The following PRDM16 variants were observed in gnomAD, a reference collection of about 807,000 sequenced individuals.
The protein encoded by PRDM16 is histone-lysine N-methyltransferase PRDM16.
In PRDM16, 23 loss-of-function variants were observed where a neutral mutation model predicts 110.6. The ratio of observed to expected loss-of-function variants is 0.21; its 90% CI spans 0.15 to 0.29. PRDM16 has a LOEUF of 0.29. Ranked by LOEUF, PRDM16 falls within the 10% of genes least tolerant of loss-of-function variation. The pLI is 1.00. For synonymous variants in PRDM16, 799 were observed against 781.8 expected (o/e 1.02, Z -0.37); for missense variants, 1,615 against 1,794.3 (o/e 0.90, Z 1.81).
At chr1:3,178,664 A>C (rs376012977) in intron 1 of PRDM16, among the ~76,000 whole-genome samples, 1 of 152,122 alleles carries the variant, frequency 6.6e-6, no homozygotes, top group South Asian at 2.1e-4. Flanking sequence ...CCCAGGATGC[A>C]CCCTTGTCAC....
intron 3 of PRDM16, among the ~76,000 whole-genome samples, chr1:3,278,830 C>T (rs1049447885): frequency 6.6e-6 from 1 of 152,228 alleles, no homozygotes; most frequent in Non-Finnish European, 1.5e-5. Flanking sequence ...GGGGACGGGG[C>T]AGCGGAACAA....
At chr1:3,199,668 G>C (rs2100824455) in intron 2 of PRDM16, among the ~76,000 whole-genome samples, 1 of 152,326 alleles carries the variant, frequency 6.6e-6, no homozygotes, top group Non-Finnish European at 1.5e-5. Context: ...CCTCTGATGA[G>C]CCTCTCTAGT....
chr1:3,123,259 C>T (rs1277407223), intron 1 of PRDM16, among the ~76,000 whole-genome samples: 1 of 152,220 alleles, frequency 6.6e-6, no homozygotes, highest in Non-Finnish European at 1.5e-5. Context: ...ACGTGTCTGT[C>T]TCCATGGCAG....
At chr1:3,430,221 C>A (rs534479856) in intron 14 of PRDM16, among the ~76,000 whole-genome samples, 4 of 152,288 alleles carry the variant, frequency 2.6e-5, no homozygotes, top group African/African-American at 9.6e-5. Flanking sequence ...CCCATGCACG[C>A]TTTGTTCTTT....
chr1:3,389,261 G>A lies in PRDM16; in HGVS notation c.573+3975G>A, dbSNP rs117925544. On this transcript the variant is annotated intron_variant, in intron 4 of 16. Coordinates refer to ENST00000270722, the MANE Select transcript of PRDM16 (RefSeq NM_022114.4). ...AGGCTCCCCACTGCCCTGCCGCCTC[G>A]CAGTGCCTCATGGACGGAGGCAGGA... 2.3e-3 allele frequency among the ~76,000 whole-genome samples: 343 copies of A among 152,278 alleles called. 2 individuals are homozygous for A. The highest frequency in any genetic ancestry group is 9.9e-3 in the East Asian group (51 of 5,170).
chr1:3,236,142 C>T (rs1231808664), intron 2 of PRDM16, among the ~76,000 whole-genome samples: 1 of 152,174 alleles, frequency 6.6e-6, no homozygotes, highest in African/African-American at 2.4e-5. Context: ...TATAGCCCTG[C>T]CCCCAACTCT....
chr1:3,159,695 G>T (rs894839607), intron 1 of PRDM16, among the ~76,000 whole-genome samples: 7 of 152,198 alleles, frequency 4.6e-5, no homozygotes, highest in Admixed American at 4.6e-4. Flanking sequence ...AAGAAGTTGA[G>T]TTGGAGTCCA....
rs1414601557 is a variant in PRDM16, at chr1:3,080,911, A to G, written c.37+11615A>G. ...GGCCCGAGCACCCAACGCTTCCCGG[A>G]GAGCTTGTGTGCCTGAGAGTGTGTG... On this transcript the variant is annotated intron_variant, in intron 1 of 16. Coordinates refer to ENST00000270722, the MANE Select transcript of PRDM16 (RefSeq NM_022114.4). The surrounding 1 kb of genome is among the most constrained non-coding windows in gnomAD (Gnocchi z 5.2). Among the ~76,000 whole-genome samples, 3 of 151,824 alleles carry G rather than the reference A, an allele frequency of 2.0e-5. No homozygotes were observed. The highest frequency in any genetic ancestry group is 4.4e-5 in the Non-Finnish European group (3 of 67,958).
In PRDM16 at chr1:3,323,771, G is replaced by A. The variant is rs1367478320; in HGVS notation, c.439-61381G>A. On this transcript the variant is annotated intron_variant, in intron 3 of 16. Coordinates refer to ENST00000270722, the MANE Select transcript of PRDM16 (RefSeq NM_022114.4). ...CATCCCAGAACCTCATAACAAAGAG[G>A]GCTTTTCCCCGAGTATTTACAACTC... 2.6e-5 allele frequency among the ~76,000 whole-genome samples: 4 copies of A among 152,356 alleles called. No individual in the cohort carries two copies. In the East Asian group the frequency reaches 7.7e-4, roughly 29 times the overall value.
At chr1:3,230,678 C>T (rs1376612750) in intron 2 of PRDM16, among the ~76,000 whole-genome samples, 7 of 152,360 alleles carry the variant, frequency 4.6e-5, no homozygotes, top group South Asian at 2.1e-4. Flanking sequence ...GACGCGGCCC[C>T]GGTTGGGGTG....
chr1:3,219,031 A>C (rs2651904), intron 2 of PRDM16, among the ~76,000 whole-genome samples: 5,847 of 152,232 alleles, frequency 0.038, 227 homozygotes, highest in East Asian at 0.12. Flanking sequence ...GGCTGAGCGG[A>C]GAGCTGCAGG....
At chr1:3,338,463 C>A (rs1163947931) in intron 3 of PRDM16, among the ~76,000 whole-genome samples, 1 of 152,248 alleles carries the variant, frequency 6.6e-6, no homozygotes, top group Non-Finnish European at 1.5e-5. Context: ...GCCAAGGTGC[C>A]CTCCTGGCTT....
At chr1:3,173,532 G>A (rs1423969599) in intron 1 of PRDM16, among the ~76,000 whole-genome samples, 1 of 152,234 alleles carries the variant, frequency 6.6e-6, no homozygotes, top group African/African-American at 2.4e-5. Flanking sequence ...ATTCAGCTCG[G>A]CTGGTCAGGG....
At chr1:3,295,164 A>T (rs1376966250) in intron 3 of PRDM16, among the ~76,000 whole-genome samples, 1 of 152,182 alleles carries the variant, frequency 6.6e-6, no homozygotes, top group African/African-American at 2.4e-5. Flanking sequence ...CTGAGGTGAG[A>T]TGCATGAGGT....
chr1:3,102,694 C>A (rs1231426621), intron 1 of PRDM16, among the ~76,000 whole-genome samples: 4 of 152,172 alleles, frequency 2.6e-5, no homozygotes, highest in African/African-American at 9.7e-5. Context: ...CTCTGAAGGA[C>A]CAAAACCATT....
chr1:3,366,008 G>A (rs140167173), intron 3 of PRDM16, among the ~76,000 whole-genome samples: 9 of 149,666 alleles, frequency 6.0e-5, no homozygotes, highest in South Asian at 2.1e-4. Flanking sequence ...ATACGCGCAC[G>A]CACACACACA....
At chr1:3,362,177 T>C (rs1642726781) in intron 3 of PRDM16, among the ~76,000 whole-genome samples, 1 of 152,260 alleles carries the variant, frequency 6.6e-6, no homozygotes, top group South Asian at 2.1e-4. Flanking sequence ...CTCCTTCCCC[T>C]GCCTTTGTCT....
intron 2 of PRDM16, among the ~76,000 whole-genome samples, chr1:3,241,848 G>A (rs1639681907): frequency 1.3e-5 from 2 of 152,106 alleles, no homozygotes; most frequent in Non-Finnish European, 2.9e-5. Flanking sequence ...GAGGGAGGGC[G>A]GCCCCCACCT....
At chr1:3,315,636 C>T (rs115326531) in intron 3 of PRDM16, among the ~76,000 whole-genome samples, 6 of 152,132 alleles carry the variant, frequency 3.9e-5, no homozygotes, top group Non-Finnish European at 8.8e-5. Context: ...GGGGCCTGAG[C>T]GCTTTTGTCT....
Sources: gnomAD v4.1 joint callset for allele counts (sites outside exome capture counted in the v4.1 genomes callset) on GRCh38, gnomAD v4.1.1 for gene constraint, Gnocchi (gnomAD v3.1) non-coding constraint, MANE v1.5 for transcripts, NCBI Gene and HGNC (gene_info 2026-07-23, HGNC 2026-07-21) for gene names.